PLCH2: variants seen among roughly 807,000 people sequenced by gnomAD.
PLCH2 encodes 1-phosphatidylinositol 4,5-bisphosphate phosphodiesterase eta-2.
In PLCH2, 98 loss-of-function variants were observed where a neutral mutation model predicts 134.7. The ratio of observed to expected loss-of-function variants is 0.73; its 90% CI spans 0.62 to 0.86. PLCH2 has a LOEUF of 0.86. Among genes scored for constraint, PLCH2 ranks in the 40% least tolerant of loss-of-function variants. PLCH2 has a pLI of 0.00. For synonymous variants in PLCH2, 974 were observed against 827.5 expected (o/e 1.18, Z -3.04); for missense variants, 1,994 against 1,986.6 (o/e 1.00, Z -0.07).
At chr1:2,457,663 G>A (rs1640560940) in intron 2 of PLCH2, among the ~76,000 whole-genome samples, 1 of 152,052 alleles carries the variant, frequency 6.6e-6, no homozygotes, top group South Asian at 2.1e-4. Context: ...CCTGAAGGAA[G>A]CGGTTTCCTC....
rs765371323 is a variant in PLCH2, at chr1:2,478,523, C to G, written c.172C>G (p.Leu58Val). Residue 58 changes from leucine (L) to valine (V), a missense_variant, in exon 2 of 22, where the codon CTG becomes GTG. Around this residue, in one of 2 missense-constraint regions of PLCH2, gnomAD observed 1,094 missense variants for 1,234.3 expected, o/e 0.89. Transcript: ENST00000378486. ...AMQEGMQMVK[L>V]RGGSKGLVRF... is the part of the protein sequence containing the mutation. ...GCAAGAGGGGATGCAGATGGTGAAGCTGCGTGGCGGCTCCAAGGGCCTGGT... is the reference window on the plus strand; with the variant it reads ...GCAAGAGGGGATGCAGATGGTGAAGGTGCGTGGCGGCTCCAAGGGCCTGGT... The G allele has an allele frequency of 1.9e-6, 3 of 1,612,894 alleles. No homozygotes were observed. Among genetic ancestry groups the G allele is most frequent in the Non-Finnish European group, 8.5e-7 (1 of 1,179,788 alleles).
At position 2,498,868 on chromosome 1, in the gene PLCH2, G is replaced by A. The variant is rs1242777920; in HGVS notation, c.2434+40G>A. The A allele has an allele frequency of 2.6e-6, 4 of 1,511,212 alleles. No individual in the cohort carries two copies. The highest frequency in any genetic ancestry group is 3.6e-6 in the Non-Finnish European group (4 of 1,096,824). 93.6% of individuals were successfully genotyped at this position (1,511,212 alleles called of 1,614,324 possible). Reference sequence around the variant, plus strand: ...TGGCTCCGTCACACCTGTGATGGAAGTCTGAGGGGGGAGGGTTGGGGCTAC... The same window carrying A: ...TGGCTCCGTCACACCTGTGATGGAAATCTGAGGGGGGAGGGTTGGGGCTAC... On this transcript the variant is annotated intron_variant, in intron 18 of 21. Coordinates refer to ENST00000378486, the MANE Select transcript of PLCH2 (RefSeq NM_014638.4). This position sits in a 1 kb window ranked among gnomAD's most constrained non-coding sequence, Gnocchi z 5.4.
upstream of PLCH2, among the ~76,000 whole-genome samples, chr1:2,421,198 G>A (rs1049704786): frequency 6.6e-6 from 1 of 152,078 alleles, no homozygotes; most frequent in Admixed American, 6.6e-5. Flanking sequence ...ACCCTCCTTG[G>A]CCTCCCAAAG....
At chr1:2,465,629 G>T (rs1250429064), upstream of PLCH2, among the ~76,000 whole-genome samples, 3 of 152,210 alleles carry the variant, frequency 2.0e-5, no homozygotes, top group Non-Finnish European at 4.4e-5. Flanking sequence ...CTCAAAGACA[G>T]AATTCTGCTT....
At chr1:2,503,109 T>C in intron 21 of PLCH2, 1 of 687,946 alleles carries the variant, frequency 1.5e-6, no homozygotes, top group Non-Finnish European at 2.7e-6. Context: ...TGTCTGAGCT[T>C]GAGGCCCTGG....
At chr1:2,428,500 C>T (rs1318232394) in intron 1 of PLCH2, among the ~76,000 whole-genome samples, 1 of 152,258 alleles carries the variant, frequency 6.6e-6, no homozygotes, top group East Asian at 1.9e-4. Flanking sequence ...TCTGGCTCGC[C>T]CGGTGCCGTG....
chr1:2,488,319 CA>C (rs1276160402), intron 8 of PLCH2, among the ~76,000 whole-genome samples: 2 of 152,296 alleles, frequency 1.3e-5, no homozygotes, highest in East Asian at 3.9e-4. Context: ...TTGCAAGGCA[CA>C]GGGGCGGGGA....
Position 2,504,497 on chromosome 1 carries a change from C to T in PLCH2, c.3535C>T (p.Arg1179Cys), listed in dbSNP as rs954733559. The part of the protein sequence containing the change: ...RENLAGAHMG[R>C]LPPRPHSASA... ...GAACCTCGCTGGAGCCCACATGGGA[C>T]GCCTGCCCCCCAGGCCCCACTCGGC... Residue 1179 changes from arginine to cysteine, a missense_variant, in exon 22 of 22, where the codon CGC becomes TGC. Arg to Cys is a radical substitution (Grantham distance 180, BLOSUM62 -3). Transcript: ENST00000378486. The T allele has an allele frequency of 1.7e-5, 27 of 1,612,282 alleles. No homozygotes were observed. The highest frequency in any genetic ancestry group is 1.6e-4 in the Middle Eastern group (1 of 6,084).
rs944060894 is a variant in PLCH2, at chr1:2,502,533, C to A, written c.2959+124C>A. 1.3e-5 allele frequency: 13 copies of A among 1,034,654 alleles called. No homozygotes were observed. The African/African-American group carries it at 1.3e-4, about 10-fold the overall frequency. The allele number at this position is 1,034,654 out of a possible 1,614,324, so 64.1% of individuals were successfully genotyped here. On this transcript the variant is annotated intron_variant, in intron 21 of 21. Coordinates refer to ENST00000378486, the MANE Select transcript of PLCH2 (RefSeq NM_014638.4). ...ATGAAGTGTGTGGTGGGATCCTGCG[C>A]CGGCGTGAACACCGGGGGCCTGCAG...
intron 1 of PLCH2, among the ~76,000 whole-genome samples, chr1:2,470,956 C>G (rs1378575174): frequency 1.3e-5 from 2 of 152,166 alleles, no homozygotes; most frequent in African/African-American, 4.8e-5. Context: ...GCTGGCCATG[C>G]CCTGCTCAGT....
In PLCH2 at chr1:2,499,078, C is replaced by T. The variant is rs1313606621; in HGVS notation, c.2435-6C>T. On this transcript the variant is annotated splice_polypyrimidine_tract_variant and splice_region_variant and intron_variant, in intron 18 of 21. Coordinates refer to ENST00000378486, the MANE Select transcript of PLCH2 (RefSeq NM_014638.4). The stretch of plus-strand genomic sequence containing the variant: ...TGGGACACTCCTCCTGGCGCTGCTT[C>T]CCCAGGGTTCAACCCCACCTGGGAG... 2 of 1,606,876 alleles carry T rather than the reference C, an allele frequency of 1.2e-6. No homozygotes were observed. Among genetic ancestry groups the T allele is most frequent in the East Asian group, 4.5e-5 (2 of 44,642 alleles).
intron 2 of PLCH2, among the ~76,000 whole-genome samples, chr1:2,454,415 C>T (rs1004527341): frequency 1.3e-5 from 2 of 152,170 alleles, no homozygotes; most frequent in East Asian, 1.9e-4. Flanking sequence ...TGGCAGGAGG[C>T]GGCACCACGT....
chr1:2,433,069 A>G (rs55663320), intron 2 of PLCH2, among the ~76,000 whole-genome samples: 35,763 of 152,150 alleles, frequency 0.24, 4,451 homozygotes, highest in Middle Eastern at 0.3. Context: ...AGGATCGAAC[A>G]GCTTGGATGT....
Position 2,429,136 on chromosome 1 carries a change from G to A in PLCH2, c.-177-1202G>A, listed in dbSNP as rs527279973. ...GGGCCCTCCTTCCTGGGGATTGGGT[G>A]CGAGGAGGGAGGCGAGGTCAAGGGT... On this transcript the variant is annotated intron_variant, in intron 1 of 3. Transcript: ENST00000609981. Among the ~76,000 whole-genome samples the A allele has an allele frequency of 9.9e-5, 15 of 152,266 alleles. 1 individual carries two copies. In the South Asian group the frequency reaches 3.1e-3, roughly 31 times the overall value.
At chr1:2,472,846 T>C (rs1641395677), upstream of PLCH2, among the ~76,000 whole-genome samples, 3 of 152,056 alleles carry the variant, frequency 2.0e-5, 1 homozygote, top group South Asian at 6.2e-4. Flanking sequence ...TGGAGGGGCA[T>C]GTGCAGTCCC....
chr1:2,468,366 C>T (rs1641169729), intron 1 of PLCH2, among the ~76,000 whole-genome samples: 1 of 152,262 alleles, frequency 6.6e-6, no homozygotes, highest in African/African-American at 2.4e-5. Flanking sequence ...CCGGACATTG[C>T]CCTGCGCAGA....
intron 21 of PLCH2, chr1:2,502,871 C>T: frequency 1.4e-6 from 1 of 717,208 alleles, no homozygotes; most frequent in Non-Finnish European, 2.6e-6. Flanking sequence ...TGCTCAAAAG[C>T]TGGAGGAGAT....
chr1:2,500,105 C>A (rs1047931623), intron 20 of PLCH2: 9 of 262,642 alleles, frequency 3.4e-5, no homozygotes, highest in East Asian at 2.4e-4. Flanking sequence ...TACTACCCCC[C>A]ACCCCTCTAC....
chr1:2,490,073 A>C (rs1027650149), intron 10 of PLCH2, among the ~76,000 whole-genome samples: 4 of 105,276 alleles, frequency 3.8e-5, no homozygotes, highest in Non-Finnish European at 1.7e-5. Flanking sequence ...GCCTCTTCCC[A>C]GTTTCAGCTC....
Sources: gnomAD v4.1 joint callset for allele counts (sites outside exome capture counted in the v4.1 genomes callset) on GRCh38, gnomAD v4.1.1 for gene constraint, gnomAD v4.1.1 regional missense constraint, Gnocchi (gnomAD v3.1) non-coding constraint, MANE v1.5 for transcripts, NCBI Gene and HGNC (gene_info 2026-07-23, HGNC 2026-07-21) for gene names.